The following ATG4D variants were observed in gnomAD, a reference collection of about 807,000 sequenced individuals.
ATG4D encodes the protein autophagy related 4D cysteine peptidase, also known as cysteine protease ATG4D.
ATG4D carries 51 observed loss-of-function variants against 55.2 expected under a neutral mutation model. The ratio of observed to expected loss-of-function variants is 0.92; its 90% CI spans 0.74 to 1.17. The LOEUF is 1.17. ATG4D is among the 50% of genes most tolerant of loss of function. The probability of loss-of-function intolerance (pLI) is 0.00; values close to 1 mark genes in which losing one functional copy is unlikely to be tolerated. For missense variants in ATG4D, 635 were observed against 649.6 expected (o/e 0.98, Z 0.25); for synonymous variants, 268 against 266.2 (o/e 1.01, Z -0.07).
chr19:10,548,176 C>G (rs934333645), intron 5 of ATG4D, among the ~76,000 whole-genome samples: 12 of 151,096 alleles, frequency 7.9e-5, no homozygotes, highest in Non-Finnish European at 1.8e-4. Context: ...ACTACAGGCG[C>G]GTGCCATCAC....
intron 1 of ATG4D, chr19:10,544,561 C>T: frequency 9.4e-7 from 1 of 1,061,512 alleles, no homozygotes; most frequent in Non-Finnish European, 1.3e-6. Context: ...TTGCCCCTCT[C>T]TGTAAAATGG....
chr19:10,546,382 A>G lies in ATG4D; in HGVS notation c.494-457A>G, dbSNP rs151298776. The stretch of plus-strand genomic sequence containing the variant: ...TTTTTTTGAGACTGAGTCTTCCTCT[A>G]TCATCCTGGCTGAAGTGCAGTGGAG... On this transcript the variant is annotated intron_variant, in intron 3 of 9. Transcript: ENST00000309469. Among the ~76,000 whole-genome samples, 170 of 149,974 alleles carry G rather than the reference A, an allele frequency of 1.1e-3. 1 individual carries two copies. The highest frequency in any genetic ancestry group is 4.1e-3 in the African/African-American group (167 of 40,776).
At position 10,552,310 on chromosome 19, in the gene ATG4D, T is replaced by C; in HGVS notation, c.1228T>C (p.Ser410Pro). Residue 410 changes from serine to proline, a missense_variant, in exon 9 of 10, where the codon TCA becomes CCA. Transcript: ENST00000309469. ...CAGGAAGGAGTTTGAGACACTCTGCTCAGAGCTGACCAGGGTGAGCAAGAG... is the reference window on the plus strand; with the variant it reads ...CAGGAAGGAGTTTGAGACACTCTGCCCAGAGCTGACCAGGGTGAGCAAGAG... Reference protein sequence around the residue: ...GDRKEFETLCSELTRVLSSSS... With the variant: ...GDRKEFETLCPELTRVLSSSS... The C allele has an allele frequency of 6.2e-7, 1 of 1,612,728 alleles. No individual in the cohort carries two copies. Among genetic ancestry groups the C allele is most frequent in the Non-Finnish European group, 8.5e-7 (1 of 1,179,910 alleles).
At chr19:10,547,950 G>A (rs1241612359) in intron 5 of ATG4D, among the ~76,000 whole-genome samples, 2 of 140,278 alleles carry the variant, frequency 1.4e-5, no homozygotes, top group African/African-American at 5.3e-5. Flanking sequence ...GCCCACTTTG[G>A]CCTCCCAAAG....
intron 3 of ATG4D, 117 bp downstream of exon 3, chr19:10,545,247 A>G (rs1166074220): frequency 7.3e-7 from 1 of 1,377,264 alleles, no homozygotes; most frequent in Non-Finnish European, 9.8e-7. Context: ...TGTGTCAAGT[A>G]AGTTTTGGAG....
chr19:10,553,320 A>C lies in ATG4D; in HGVS notation c.*253A>C. ...GGGCACCCCCCTCAGGGCCTGACTC[A>C]CGTACTGTAGTTTGCACTGGACGCC... is the stretch of plus-strand genomic sequence containing the variant. On this transcript the variant is annotated 3_prime_UTR_variant, in exon 10 of 10. Coordinates refer to ENST00000309469, the MANE Select transcript of ATG4D (RefSeq NM_032885.6). 1 of 481,576 alleles carries C rather than the reference A, an allele frequency of 2.1e-6. No individual in the cohort carries two copies. The highest frequency in any genetic ancestry group is 3.7e-6 in the Non-Finnish European group (1 of 269,018). The allele number at this position is 481,576 out of a possible 1,614,324, so 29.8% of individuals were successfully genotyped here.
chr19:10,549,247 CCAAGTA>C (rs1916146638), intron 6 of ATG4D, among the ~76,000 whole-genome samples: 1 of 152,004 alleles, frequency 6.6e-6, no homozygotes, highest in South Asian at 2.1e-4. Context: ...CCTCAGCCTC[CCAAGTA>C]GTTAGGATTA....
chr19:10,545,703 C>G (rs1916010564), intron 3 of ATG4D, among the ~76,000 whole-genome samples: 1 of 151,720 alleles, frequency 6.6e-6, no homozygotes, highest in Non-Finnish European at 1.5e-5. Flanking sequence ...TGGTGAAACC[C>G]CATCTCTACT....
In ATG4D at chr19:10,551,911, C is replaced by T. The variant is rs767742734; in HGVS notation, c.981C>T (p.Cys327=). The change falls in exon 7 of 10, where the codon TGC becomes TGT. Residue 327 remains cysteine (C), a synonymous_variant. Transcript: ENST00000309469. Reference sequence around the variant, plus strand: ...CCTCCCTGCAGGAACTCCTGCGTTGCGAGCTGTGCCTGGGCATCATGGGTG... The same window carrying T: ...CCTCCCTGCAGGAACTCCTGCGTTGTGAGCTGTGCCTGGGCATCATGGGTG... ...YVPCVKELLR[C]ELCLGIMGGK... The T allele has an allele frequency of 6.7e-5, 108 of 1,613,814 alleles. No homozygotes were observed. The highest frequency in any genetic ancestry group is 5.0e-4 in the Middle Eastern group (3 of 6,030).
Position 10,546,983 on chromosome 19 carries a change from G to C in ATG4D, c.638G>C (p.Arg213Pro). ...APELEQERRHRQIVSWFADHP... is the reference protein window; with the variant it reads ...APELEQERRHPQIVSWFADHP... ...GAGCTGGAGCAGGAACGCCGGCACC[G>C]GCAGATTGTGTCCTGGTTCGCCGAC... The change falls in exon 4 of 10, where the codon CGG becomes CCG. Residue 213 changes from arginine (R) to proline (P), a missense_variant. Transcript: ENST00000309469. 6.2e-7 allele frequency: 1 copy of C among 1,602,760 alleles called. No homozygotes were observed. The highest frequency in any genetic ancestry group is 8.5e-7 in the Non-Finnish European group (1 of 1,175,212).
At chr19:10,550,260 G>A (rs896917653) in intron 6 of ATG4D, among the ~76,000 whole-genome samples, 8 of 152,054 alleles carry the variant, frequency 5.3e-5, no homozygotes, top group Non-Finnish European at 8.8e-5. Flanking sequence ...CACCCACCTC[G>A]GTCTCCCAAA....
intron 3 of ATG4D, among the ~76,000 whole-genome samples, chr19:10,545,547 G>A (rs1916006245): frequency 6.6e-6 from 1 of 151,308 alleles, no homozygotes; most frequent in Admixed American, 6.6e-5. Context: ...ACTCCAGCCT[G>A]GGCAACAGAG....
chr19:10,549,104 C>T, intron 6 of ATG4D, 70 bp downstream of exon 6: 1 of 1,578,906 alleles, frequency 6.3e-7, no homozygotes, highest in East Asian at 2.3e-5. Context: ...TGTGTTAGGG[C>T]TGCTGTTTGT....
Position 10,549,273 on chromosome 19 carries a change from G to A in ATG4D, c.966+239G>A, listed in dbSNP as rs1409342214. On this transcript the variant is annotated intron_variant, in intron 6 of 9. Transcript: ENST00000309469. ...CAAGTAGTTAGGATTACAGGCATGC[G>A]CCACCACGACCACCTAATTTTGTAC... Among the ~76,000 whole-genome samples, 3 of 151,966 alleles carry A rather than the reference G, an allele frequency of 2.0e-5. No individual in the cohort carries two copies. The South Asian group carries it at 6.2e-4, about 32-fold the overall frequency.
At chr19:10,550,509 T>C (rs11666992) in intron 6 of ATG4D, among the ~76,000 whole-genome samples, 8,534 of 152,120 alleles carry the variant, frequency 0.056, 334 homozygotes, top group Non-Finnish European at 0.082. Flanking sequence ...GTTTTCCCAG[T>C]GACCCACAGA....
At chr19:10,546,055 T>C (rs1223811406) in intron 3 of ATG4D, among the ~76,000 whole-genome samples, 1 of 151,748 alleles carries the variant, frequency 6.6e-6, no homozygotes, top group Non-Finnish European at 1.5e-5. Flanking sequence ...GTGTGGTGGC[T>C]CATGCCTGTA....
At position 10,546,945 on chromosome 19, in the gene ATG4D, C is replaced by T. The variant is rs767023472; in HGVS notation, c.600C>T (p.Ala200=). Residue 200 remains alanine (A), a synonymous_variant, in exon 4 of 10, where the codon GCC becomes GCT. Transcript: ENST00000309469. ...CCCGCTGGATGCCCCCACGCTGGGC[C>T]CAGGGTGCCCCTGAGCTGGAGCAGG... The part of the protein sequence containing the change: ...GPARWMPPRW[A]QGAPELEQER... 48 of 1,611,740 alleles carry T rather than the reference C, an allele frequency of 3.0e-5. No individual in the cohort carries two copies. The South Asian group carries it at 5.2e-4, about 17-fold the overall frequency.
rs1007279309 is a variant in ATG4D, at chr19:10,552,329, G to A, written c.1242+5G>A. The stretch of plus-strand genomic sequence containing the variant: ...CTCTGCTCAGAGCTGACCAGGGTGA[G>A]CAAGAGGAAAGCTGGAGTGGGGTGA... On this transcript the variant is annotated splice_donor_5th_base_variant and intron_variant, in intron 9 of 9. Coordinates refer to ENST00000309469, the MANE Select transcript of ATG4D (RefSeq NM_032885.6). 34 of 1,609,516 alleles carry A rather than the reference G, an allele frequency of 2.1e-5. No individual in the cohort carries two copies. The highest frequency in any genetic ancestry group is 2.9e-5 in the Non-Finnish European group (34 of 1,177,890).
intron 5 of ATG4D, among the ~76,000 whole-genome samples, chr19:10,548,305 T>A (rs916540820): frequency 6.6e-6 from 1 of 151,980 alleles, no homozygotes; most frequent in African/African-American, 2.4e-5. Context: ...AGTGCTGGGA[T>A]TACAAGCTGG....
Sources: gnomAD v4.1 joint callset for allele counts (sites outside exome capture counted in the v4.1 genomes callset) on GRCh38, gnomAD v4.1.1 for gene constraint, MANE v1.5 for transcripts, NCBI Gene and HGNC (gene_info 2026-07-23, HGNC 2026-07-21) for gene names.